Variants in TMEM132D observed in about 807,000 individuals in gnomAD.
TMEM132D encodes the protein mature OL transmembrane protein.
TMEM132D carries 21 observed loss-of-function variants against 62.3 expected under a neutral mutation model. The ratio of observed to expected loss-of-function variants is 0.34; its 90% CI spans 0.24 to 0.49. The LOEUF (loss-of-function observed/expected upper bound fraction) is 0.49, where lower values mean the gene tolerates loss of function less well. Among genes scored for constraint, TMEM132D ranks in the 20% least tolerant of loss-of-function variants. The pLI, the probability that TMEM132D is intolerant of heterozygous loss-of-function variation, is 0.99. For synonymous variants in TMEM132D, 621 were observed against 575.6 expected (o/e 1.08, Z -1.13); for missense variants, 1,346 against 1,402.8 (o/e 0.96, Z 0.65).
intron 2 of TMEM132D, among the ~76,000 whole-genome samples, chr12:129,660,026 G>C (rs1178345757): frequency 2.0e-5 from 3 of 152,284 alleles, no homozygotes; most frequent in Middle Eastern, 3.4e-3. Context: ...GCTGGGTCAT[G>C]GTTTTGAGTC....
At chr12:129,378,421 G>T (rs1870845678) in intron 3 of TMEM132D, among the ~76,000 whole-genome samples, 1 of 152,222 alleles carries the variant, frequency 6.6e-6, no homozygotes, top group African/African-American at 2.4e-5. Flanking sequence ...GTCAGGCTGT[G>T]TTCTGAAATG....
At chr12:129,219,078 C>T (rs981023474) in intron 4 of TMEM132D, among the ~76,000 whole-genome samples, 29 of 152,180 alleles carry the variant, frequency 1.9e-4, no homozygotes, top group African/African-American at 7.0e-4. Flanking sequence ...GGAAAGATGT[C>T]CATAATGCCT....
intron 3 of TMEM132D, among the ~76,000 whole-genome samples, chr12:129,428,913 C>T (rs767409617): frequency 3.9e-5 from 6 of 152,192 alleles, no homozygotes; most frequent in African/African-American, 7.2e-5. Context: ...CAGAAGACTC[C>T]GTGAAAGTAA....
At chr12:129,729,609 A>G (rs1176911624) in intron 1 of TMEM132D, among the ~76,000 whole-genome samples, 2 of 152,004 alleles carry the variant, frequency 1.3e-5, no homozygotes, top group African/African-American at 4.8e-5. Context: ...ACTCCTAGTC[A>G]TACTTCAAAA....
At position 129,867,092 on chromosome 12, in the gene TMEM132D, CA is replaced by C. The variant is rs34891066; in HGVS notation, c.79+36168del. Among the ~76,000 whole-genome samples, 116,330 of 150,374 alleles carry C rather than the reference CA, an allele frequency of 0.77. 46,413 individuals carry two copies. The highest frequency in any genetic ancestry group is 0.93 in the South Asian group (4,412 of 4,728). On this transcript the variant is annotated intron_variant, in intron 1 of 8. Transcript: ENST00000422113. This position sits in a 1 kb window ranked among gnomAD's most constrained non-coding sequence, Gnocchi z 4.5. ...GAAAAACCCCAAAACCCTGTCTCTACAAAAAAAAAATACAGAAATTAGCTGG... is the reference window on the plus strand; with the variant it reads ...GAAAAACCCCAAAACCCTGTCTCTACAAAAAAAAATACAGAAATTAGCTGG...
At chr12:129,295,566 G>C (rs968925241) in intron 4 of TMEM132D, among the ~76,000 whole-genome samples, 1 of 151,426 alleles carries the variant, frequency 6.6e-6, no homozygotes, top group African/African-American at 2.4e-5. Context: ...AAGTAGCTGA[G>C]TTTACAAGCA....
intron 1 of TMEM132D, among the ~76,000 whole-genome samples, chr12:129,725,772 A>G (rs919774612): frequency 1.3e-5 from 2 of 152,236 alleles, no homozygotes; most frequent in Non-Finnish European, 2.9e-5. Flanking sequence ...AGAAAAGTTA[A>G]CACAGCAGAC....
intron 3 of TMEM132D, among the ~76,000 whole-genome samples, chr12:129,466,081 T>C (rs1873883790): frequency 6.6e-6 from 1 of 152,184 alleles, no homozygotes; most frequent in Non-Finnish European, 1.5e-5. Flanking sequence ...GCGTGGCACA[T>C]TCCTTAGCAC....
At chr12:129,669,725 TAAATAAATAAATAAAC>T (rs1346764071) in intron 2 of TMEM132D, among the ~76,000 whole-genome samples, 6 of 71,522 alleles carry the variant, frequency 8.4e-5, no homozygotes, top group Admixed American at 6.4e-4. Context: ...AATAAATAAA[TAAATAAATAAATAAAC>T]AAACAAACAA....
At chr12:129,700,873 G>A (rs1881370693) in intron 1 of TMEM132D, among the ~76,000 whole-genome samples, 175 bp from the exon 2 acceptor site, 1 of 152,082 alleles carries the variant, frequency 6.6e-6, no homozygotes, top group Admixed American at 6.6e-5. Flanking sequence ...TGTTTCAGAA[G>A]AAATAAATGC....
chr12:129,741,502 G>A (rs1453426236), intron 1 of TMEM132D, among the ~76,000 whole-genome samples: 1 of 152,182 alleles, frequency 6.6e-6, no homozygotes, highest in South Asian at 2.1e-4. Flanking sequence ...ACAGGGTCTT[G>A]AGAGACTCTG....
intron 2 of TMEM132D, among the ~76,000 whole-genome samples, chr12:129,649,414 C>G (rs1246637812): frequency 1.3e-5 from 2 of 152,242 alleles, no homozygotes; most frequent in East Asian, 1.9e-4. Flanking sequence ...AAAGCACCCC[C>G]ACACAGGGTA....
chr12:129,387,671 C>G (rs1354271592), intron 3 of TMEM132D, among the ~76,000 whole-genome samples: 4 of 152,042 alleles, frequency 2.6e-5, no homozygotes. Flanking sequence ...AACACTAACA[C>G]CAACACCAAT....
chr12:129,481,518 A>C (rs1874429756), intron 3 of TMEM132D, among the ~76,000 whole-genome samples: 1 of 147,352 alleles, frequency 6.8e-6, no homozygotes, highest in Non-Finnish European at 1.5e-5. Flanking sequence ...ATAAACAGAG[A>C]AAAATACAAA....
At chr12:129,541,585 C>T (rs150538217) in intron 2 of TMEM132D, among the ~76,000 whole-genome samples, 17 of 152,146 alleles carry the variant, frequency 1.1e-4, no homozygotes, top group African/African-American at 3.9e-4. Context: ...AAACACAGAG[C>T]AAACTGTTTG....
chr12:129,602,277 T>C (rs1878501375), intron 2 of TMEM132D, among the ~76,000 whole-genome samples: 1 of 152,156 alleles, frequency 6.6e-6, no homozygotes, highest in Non-Finnish European at 1.5e-5. Flanking sequence ...ATCTCAGTAT[T>C]CCACCTTTCC....
chr12:129,797,371 A>G (rs981785476), intron 1 of TMEM132D, among the ~76,000 whole-genome samples: 2 of 152,144 alleles, frequency 1.3e-5, no homozygotes, highest in African/African-American at 4.8e-5. Flanking sequence ...TTAGTTGCAA[A>G]CGATACAACA....
intron 5 of TMEM132D, among the ~76,000 whole-genome samples, chr12:129,127,049 T>C (rs79372647): frequency 6.6e-6 from 1 of 152,320 alleles, no homozygotes; most frequent in Non-Finnish European, 1.5e-5. Context: ...GAAAACATTT[T>C]GTGCCAAGGA....
chr12:129,426,477 A>G (rs1183154086), intron 3 of TMEM132D, among the ~76,000 whole-genome samples: 1 of 152,114 alleles, frequency 6.6e-6, no homozygotes, highest in African/African-American at 2.4e-5. Context: ...GGGGAAAGCA[A>G]TTGGCAGTGG....
Sources: allele counts gnomAD v4.1 joint callset (sites outside exome capture counted in the v4.1 genomes callset), GRCh38; gene constraint gnomAD v4.1.1; non-coding constraint Gnocchi (gnomAD v3.1); transcripts MANE v1.5; gene names NCBI Gene and HGNC (gene_info 2026-07-23, HGNC 2026-07-21).